The following GJB7 variants were observed in gnomAD, a reference collection of about 807,000 sequenced individuals.
GJB7 encodes the protein gap junction protein beta 7.
For missense variants in GJB7, 253 were observed against 256.8 expected (o/e 0.99, Z 0.10); for synonymous variants, 87 against 95.2 (o/e 0.91, Z 0.50).
chr6:87,316,419 A>C (rs1562216223), intron 2 of GJB7, among the ~76,000 whole-genome samples: 1 of 152,188 alleles, frequency 6.6e-6, no homozygotes, highest in East Asian at 1.9e-4. Context: ...CTACACACCA[A>C]GCAGGGCTGA....
At chr6:87,300,864 T>C (rs1776310790) in intron 2 of GJB7, among the ~76,000 whole-genome samples, 3 of 152,218 alleles carry the variant, frequency 2.0e-5, no homozygotes, top group Admixed American at 6.5e-5. Context: ...TATCCAATTA[T>C]GTGACAACTT....
At chr6:87,305,806 A>G (rs1235104928) in intron 2 of GJB7, among the ~76,000 whole-genome samples, 1 of 152,262 alleles carries the variant, frequency 6.6e-6, no homozygotes, top group Admixed American at 6.5e-5. Context: ...CCAAAACAGC[A>G]TGGTACTGGT....
rs1249226549 is a variant in GJB7, at chr6:87,309,173, G to A, written c.-28+13693C>T. Among the ~76,000 whole-genome samples, 14 of 152,196 alleles carry A rather than the reference G, an allele frequency of 9.2e-5. 1 individual carries two copies. Among genetic ancestry groups the A allele is most frequent in the Admixed American group, 6.5e-4 (10 of 15,272 alleles). ...CACTGATTCACCTTGTTGGTGTGAA[G>A]CAGCAGCTGGGCCTGCAATTGCTCT... On this transcript the variant is annotated intron_variant, in intron 2 of 2. Transcript: ENST00000525899.
rs1239137752 is a variant in GJB7, at chr6:87,284,392, G to A, written c.521C>T (p.Thr174Ile). 1 of 1,614,188 alleles carries A rather than the reference G, an allele frequency of 6.2e-7. No individual in the cohort carries two copies. The highest frequency in any genetic ancestry group is 8.5e-7 in the Non-Finnish European group (1 of 1,180,018). Reference protein sequence around the residue: ...NTVDCFISKPTEKTIFILFLV... With the variant: ...NTVDCFISKPIEKTIFILFLV... ...GAAGAGGATGAAGATCGTCTTCTCA[G>A]TGGGTTTGGAGATGAAGCAGTCCAC... is the stretch of plus-strand genomic sequence containing the variant. Residue 174 changes from threonine (T) to isoleucine (I), a missense_variant, in exon 3 of 3, where the codon ACT (threonine) becomes ATT (isoleucine). Thr to Ile is a moderately conservative substitution (Grantham distance 89, BLOSUM62 -1). Transcript: ENST00000525899.
At chr6:87,285,225 ATCTT>A (rs1262796450) in intron 2 of GJB7, among the ~76,000 whole-genome samples, 1 of 152,132 alleles carries the variant, frequency 6.6e-6, no homozygotes, top group African/African-American at 2.4e-5. Context: ...GGTTGGCAAA[ATCTT>A]TCTAGTTTAT....
chr6:87,320,993 TG>T (rs1188578968), intron 2 of GJB7, among the ~76,000 whole-genome samples: 1 of 151,948 alleles, frequency 6.6e-6, no homozygotes, highest in Non-Finnish European at 1.5e-5. Flanking sequence ...CCGAGGTGGG[TG>T]GATTGCCTGA....
chr6:87,292,086 G>T (rs1299987052), intron 2 of GJB7: 1 of 152,220 alleles, frequency 6.6e-6, no homozygotes, highest in Non-Finnish European at 1.5e-5. Flanking sequence ...GGTGTAACCT[G>T]ATCATTTGTT....
At chr6:87,301,235 G>A (rs377600048) in intron 2 of GJB7, among the ~76,000 whole-genome samples, 21 of 152,240 alleles carry the variant, frequency 1.4e-4, no homozygotes, top group Middle Eastern at 6.8e-3. Flanking sequence ...GTGAGGCATC[G>A]CCTCACCCGG....
At chr6:87,294,651 G>A (rs1344757962) in intron 2 of GJB7, among the ~76,000 whole-genome samples, 5 of 152,196 alleles carry the variant, frequency 3.3e-5, no homozygotes, top group Non-Finnish European at 5.9e-5. Context: ...ACTGTGTTTT[G>A]TTCTGGCCTG....
intron 1 of GJB7, among the ~76,000 whole-genome samples, chr6:87,328,507 G>C (rs538600634): frequency 8.0e-5 from 12 of 150,554 alleles, no homozygotes; most frequent in African/African-American, 2.7e-4. Context: ...TGGAGTACCC[G>C]GCCGTGTGAG....
At chr6:87,320,697 G>A (rs982785510) in intron 2 of GJB7, among the ~76,000 whole-genome samples, 1 of 152,132 alleles carries the variant, frequency 6.6e-6, no homozygotes, top group African/African-American at 2.4e-5. Flanking sequence ...GCAGCGTGGG[G>A]GTGGGCTTCC....
rs1776008132 is a variant in GJB7, at chr6:87,283,606, C to G, written c.*635G>C. 1 of 152,458 alleles carries G rather than the reference C, an allele frequency of 6.6e-6. No individual in the cohort carries two copies. The highest frequency in any genetic ancestry group is 2.1e-4 in the South Asian group (1 of 4,840). 9.4% of individuals were successfully genotyped at this position (152,458 alleles called of 1,614,324 possible). On this transcript the variant is annotated 3_prime_UTR_variant, in exon 3 of 3. Transcript: ENST00000525899. Reference sequence around the variant, plus strand: ...GGCGGGACCTTCCTGTTGAATGTTCCTCTGTGTGTCCCCAGCTGGCTGCTA... The same window carrying G: ...GGCGGGACCTTCCTGTTGAATGTTCGTCTGTGTGTCCCCAGCTGGCTGCTA...
At chr6:87,328,291 G>A (rs1475685233) in intron 1 of GJB7, among the ~76,000 whole-genome samples, 5 of 152,212 alleles carry the variant, frequency 3.3e-5, no homozygotes, top group South Asian at 4.1e-4. Context: ...TCCGTTGCTC[G>A]TGAGGAACTG....
Position 87,291,487 on chromosome 6 carries a change from G to T in GJB7, c.-27-6548C>A, listed in dbSNP as rs114633835. Among the ~76,000 whole-genome samples the T allele has an allele frequency of 9.6e-3, 1,461 of 152,168 alleles. 34 individuals are homozygous for T. Among genetic ancestry groups the T allele is most frequent in the African/African-American group, 0.034 (1,412 of 41,512 alleles). The stretch of plus-strand genomic sequence containing the variant: ...ATCCCCTATTAAAAACAGTGCTAAA[G>T]TTGCCCTCCATCCACACAGAAAATG... On this transcript the variant is annotated intron_variant, in intron 2 of 2. Coordinates refer to ENST00000525899, the MANE Select transcript of GJB7 (RefSeq NM_198568.3).
At chr6:87,326,829 T>G (rs888760479) in intron 1 of GJB7, among the ~76,000 whole-genome samples, 5 of 121,430 alleles carry the variant, frequency 4.1e-5, no homozygotes, top group Non-Finnish European at 6.9e-5. Flanking sequence ...CCTTGTTGAC[T>G]TTCTGTCTCG....
At chr6:87,325,401 GT>G in intron 1 of GJB7, among the ~76,000 whole-genome samples, 1 of 146,458 alleles carries the variant, frequency 6.8e-6, no homozygotes, top group Non-Finnish European at 1.5e-5. Context: ...TTGGCTGTGG[GT>G]TTGTCATAGA....
chr6:87,305,561 T>C (rs570612847), intron 2 of GJB7, among the ~76,000 whole-genome samples: 1 of 152,206 alleles, frequency 6.6e-6, no homozygotes, highest in Non-Finnish European at 1.5e-5. Flanking sequence ...CCCGTGCTCA[T>C]GGATAGGAAG....
chr6:87,284,577 G>C lies in GJB7; in HGVS notation c.336C>G (p.Ser112Arg), dbSNP rs1415664049. The C allele has an allele frequency of 6.2e-7, 1 of 1,614,134 alleles. No individual in the cohort carries two copies. The highest frequency in any genetic ancestry group is 1.7e-5 in the Admixed American group (1 of 60,020). The change falls in exon 3 of 3, where the codon AGC becomes AGG. Residue 112 changes from serine to arginine, a missense_variant. Ser to Arg is a moderately radical substitution (Grantham distance 110). Transcript: ENST00000525899. ...EKRHRKKLYV[S>R]PGTMDGGLWY... Reference sequence around the variant, plus strand: ...ATAGGCCCCCATCCATTGTACCTGGGCTGACATAGAGTTTCTTTCTGTGCC... The same window carrying C: ...ATAGGCCCCCATCCATTGTACCTGGCCTGACATAGAGTTTCTTTCTGTGCC...
At chr6:87,305,099 C>T (rs897712654) in intron 2 of GJB7, among the ~76,000 whole-genome samples, 4 of 152,098 alleles carry the variant, frequency 2.6e-5, no homozygotes, top group Non-Finnish European at 5.9e-5. Context: ...GGAAGCATTC[C>T]CTTTGAAAAC....
Sources: gnomAD v4.1 joint callset for allele counts (sites outside exome capture counted in the v4.1 genomes callset) on GRCh38, gnomAD v4.1.1 for gene constraint, MANE v1.5 for transcripts, NCBI Gene and HGNC (gene_info 2026-07-23, HGNC 2026-07-21) for gene names.